The following PKIB variants were observed in gnomAD, a reference collection of about 807,000 sequenced individuals.
PKIB encodes PKI-beta.
In PKIB, 2 loss-of-function variants were observed where a neutral mutation model predicts 4.5. That is an observed-to-expected ratio of 0.44 (90% CI 0.18 to 1.39). The LOEUF (loss-of-function observed/expected upper bound fraction) is 1.39. PKIB is among the 40% of genes most tolerant of loss of function. PKIB has a pLI of 0.27. For missense variants in PKIB, 94 were observed against 92.6 expected, an observed-to-expected ratio of 1.02 and a Z score of -0.06; for synonymous variants, 38 against 36.0, an observed-to-expected ratio of 1.06 and a Z score of -0.20.
At chr6:122,480,984 T>TAAGTCAAG (rs1391877732) in intron 2 of PKIB, 4 of 152,134 alleles carry the variant, frequency 2.6e-5, no homozygotes, top group African/African-American at 7.2e-5. Flanking sequence ...ATTGAGTAAA[T>TAAGTCAAG]CTTAAGACAT....
intron 2 of PKIB, among the ~76,000 whole-genome samples, chr6:122,519,887 C>G (rs1582672157): frequency 6.6e-6 from 1 of 152,290 alleles, no homozygotes; most frequent in Non-Finnish European, 1.5e-5. Flanking sequence ...GGGCTTTACA[C>G]CCACTGTGGT....
chr6:122,506,419 C>T (rs1252863455), intron 2 of PKIB, among the ~76,000 whole-genome samples: 2 of 152,062 alleles, frequency 1.3e-5, no homozygotes, highest in African/African-American at 2.4e-5. Flanking sequence ...CCATCATTAA[C>T]TTCCATAATT....
At chr6:122,641,025 A>C (rs919822772) in intron 2 of PKIB, among the ~76,000 whole-genome samples, 1 of 151,840 alleles carries the variant, frequency 6.6e-6, no homozygotes, top group Non-Finnish European at 1.5e-5. Context: ...ATTTTATTTT[A>C]TAATGTCTGC....
chr6:122,647,422 G>C (rs531726674), intron 2 of PKIB, among the ~76,000 whole-genome samples: 5 of 152,296 alleles, frequency 3.3e-5, no homozygotes, highest in African/African-American at 1.2e-4. Context: ...CCACATCACA[G>C]TCCACACTTT....
chr6:122,689,620 C>G (rs1206597181), intron 3 of PKIB, among the ~76,000 whole-genome samples: 1 of 152,106 alleles, frequency 6.6e-6, no homozygotes, highest in Non-Finnish European at 1.5e-5. Flanking sequence ...AGAGAAGATG[C>G]TTGATATTAT....
In PKIB at chr6:122,576,708, A is replaced by ATC. The variant is rs1260230833; in HGVS notation, c.-247-9212_-247-9211insCT. Among the ~76,000 whole-genome samples, 43 of 113,928 alleles carry ATC rather than the reference A, an allele frequency of 3.8e-4. 1 individual carries two copies. The highest frequency in any genetic ancestry group is 1.6e-3 in the African/African-American group (42 of 25,622). 74.7% of individuals were successfully genotyped at this position (113,928 alleles called of 152,430 possible). A position where few individuals can be genotyped will look rare whatever the true frequency, so the allele number is the denominator to read the frequency against. On this transcript the variant is annotated intron_variant, in intron 2 of 6. Transcript: ENST00000392491. ...AAAAAAAATATATATATATATATAT[A>ATC]TATTTTCTTTTGTATAATTATACCT...
intron 2 of PKIB, among the ~76,000 whole-genome samples, chr6:122,667,217 C>T (rs192379524): frequency 3.3e-4 from 50 of 152,250 alleles, no homozygotes; most frequent in African/African-American, 1.1e-3. Context: ...TCAAAATTAA[C>T]TGTGATGCCT....
In PKIB at chr6:122,670,611, G is replaced by A. The variant is rs189402772; in HGVS notation, c.-75-4467G>A. ...TTTATAATCTGGTCCTAGTATACCT[G>A]TTGCCAGCCATCTTTCAACTTTTAT... On this transcript the variant is annotated intron_variant, in intron 2 of 4. Coordinates refer to ENST00000368452, the MANE Select transcript of PKIB (RefSeq NM_181795.3). Among the ~76,000 whole-genome samples, 3 of 152,180 alleles carry A rather than the reference G, an allele frequency of 2.0e-5. No individual in the cohort carries two copies. The East Asian group carries it at 5.8e-4, about 29-fold the overall frequency.
At chr6:122,477,576 C>G (rs1331225948) in intron 1 of PKIB, among the ~76,000 whole-genome samples, 1 of 151,982 alleles carries the variant, frequency 6.6e-6, no homozygotes, top group Non-Finnish European at 1.5e-5. Flanking sequence ...CCAATTTATC[C>G]TGATTTCTTT....
chr6:122,636,669 T>C (rs768932155), intron 2 of PKIB, among the ~76,000 whole-genome samples: 1 of 152,098 alleles, frequency 6.6e-6, no homozygotes, highest in Non-Finnish European at 1.5e-5. Context: ...TACAATTTCA[T>C]TTAAAATCCA....
chr6:122,550,406 G>T (rs566747305), intron 2 of PKIB, among the ~76,000 whole-genome samples: 3 of 152,010 alleles, frequency 2.0e-5, no homozygotes, highest in African/African-American at 7.2e-5. Context: ...ATGAATATGT[G>T]AGTAATATTT....
intron 2 of PKIB, among the ~76,000 whole-genome samples, chr6:122,540,086 T>C (rs367991070): frequency 5.9e-5 from 9 of 152,038 alleles, no homozygotes; most frequent in Non-Finnish European, 1.3e-4. Flanking sequence ...TCTTTATTAG[T>C]CTTGCTAGCG....
At chr6:122,695,728 T>C (rs543744205) in intron 3 of PKIB, among the ~76,000 whole-genome samples, 4 of 152,118 alleles carry the variant, frequency 2.6e-5, no homozygotes, top group Admixed American at 6.5e-5. Flanking sequence ...TATAATGAAA[T>C]TTTTTAAAAT....
chr6:122,679,697 G>A (rs1001091783), intron 3 of PKIB, among the ~76,000 whole-genome samples: 2 of 152,180 alleles, frequency 1.3e-5, no homozygotes, highest in African/African-American at 4.8e-5. Context: ...CCAGGAGGAG[G>A]AACAGGTTTC....
In PKIB at chr6:122,622,386, G is replaced by T. The variant is rs576936624; in HGVS notation, c.-160-10897G>T. 7.2e-5 allele frequency among the ~76,000 whole-genome samples: 11 copies of T among 152,210 alleles called. No homozygotes were observed. In the South Asian group the frequency reaches 2.3e-3, roughly 32 times the overall value. ...TAGTTTTTCTGACAGCTACTCCAAA[G>T]ATTCAAGGATAGAGTTTAAATGAAG... is the stretch of plus-strand genomic sequence containing the variant. On this transcript the variant is annotated intron_variant, in intron 1 of 4. Transcript: ENST00000368452.
At chr6:122,530,608 A>C (rs962285748) in intron 2 of PKIB, among the ~76,000 whole-genome samples, 11 of 152,132 alleles carry the variant, frequency 7.2e-5, no homozygotes, top group African/African-American at 2.7e-4. Flanking sequence ...CCTAGCTAGA[A>C]GTGAAAGAGC....
chr6:122,570,857 C>A (rs1274661651), intron 2 of PKIB, among the ~76,000 whole-genome samples: 3 of 151,976 alleles, frequency 2.0e-5, no homozygotes, highest in Admixed American at 6.6e-5. Flanking sequence ...TTCTGTAACA[C>A]CCCCAAAAGA....
chr6:122,576,710 A>ATATATATATT (rs59569106), intron 2 of PKIB, among the ~76,000 whole-genome samples: 2,223 of 109,274 alleles, frequency 0.02, 49 homozygotes, highest in Non-Finnish European at 0.032. Flanking sequence ...ATATATATAT[A>ATATATATATT]TTTTCTTTTG....
intron 2 of PKIB, among the ~76,000 whole-genome samples, chr6:122,564,087 T>A (rs1464782177): frequency 6.6e-6 from 1 of 152,144 alleles, no homozygotes; most frequent in Non-Finnish European, 1.5e-5. Context: ...GTCGGAAACT[T>A]CTCCCGCAAA....
Sources: gnomAD v4.1 joint callset for allele counts (sites outside exome capture counted in the v4.1 genomes callset) on GRCh38, gnomAD v4.1.1 for gene constraint, MANE v1.5 for transcripts, NCBI Gene and HGNC (gene_info 2026-07-23, HGNC 2026-07-21) for gene names.